ANGPTL7: variants seen among roughly 807,000 people sequenced by gnomAD.
ANGPTL7 encodes angiopoietin like 7, also known as angiopoietin-related protein 7.
ANGPTL7 carries 37 observed loss-of-function variants against 38.8 expected under a neutral mutation model. That is an observed-to-expected ratio of 0.95 (90% CI 0.73 to 1.25). The LOEUF is 1.25. Ranked by LOEUF, ANGPTL7 falls within the 50% of genes most tolerant of loss-of-function variation. The pLI is 0.00. For synonymous variants in ANGPTL7, 166 were observed against 163.2 expected (o/e 1.02, Z -0.13); for missense variants, 427 against 438.6 (o/e 0.97, Z 0.24).
At chr1:11,194,296 C>T (rs1190711373) in intron 3 of ANGPTL7, among the ~76,000 whole-genome samples, 165 bp from the exon 4 acceptor site, 1 of 152,136 alleles carries the variant, frequency 6.6e-6, no homozygotes, top group African/African-American at 2.4e-5. Flanking sequence ...TTTTCTGATT[C>T]CCAGGTTAAC....
intron 3 of ANGPTL7, 97 bp downstream of exon 3, chr1:11,193,871 A>G: frequency 8.3e-7 from 1 of 1,208,992 alleles, no homozygotes; most frequent in East Asian, 2.5e-5. Flanking sequence ...ATTCAAGACA[A>G]ATCTGTATAT....
At position 11,195,741 on chromosome 1, in the gene ANGPTL7, T is replaced by C. The variant is rs1404619211; in HGVS notation, c.*718T>C. 6.6e-6 allele frequency: 1 copy of C among 152,650 alleles called. No homozygotes were observed. The highest frequency in any genetic ancestry group is 1.5e-5 in the Non-Finnish European group (1 of 68,050). The allele number at this position is 152,650 out of a possible 1,614,324, so 9.5% of individuals were successfully genotyped here. ...CATGGATGCCGGCACAAAACTGCCT[T>C]AAAATATTCATAGTTAATACAGGTA... On this transcript the variant is annotated 3_prime_UTR_variant, in exon 5 of 5. Coordinates refer to ENST00000376819, the MANE Select transcript of ANGPTL7 (RefSeq NM_021146.4).
chr1:11,191,988 G>A (rs28990999), intron 1 of ANGPTL7, among the ~76,000 whole-genome samples: 1 of 152,222 alleles, frequency 6.6e-6, no homozygotes, highest in African/African-American at 2.4e-5. Flanking sequence ...CCCAGCTATA[G>A]CAGAATAATT....
At chr1:11,194,750 A>T (rs1344602214) in intron 4 of ANGPTL7, 91 bp downstream of exon 4, 2 of 1,598,680 alleles carry the variant, frequency 1.3e-6, no homozygotes, top group Non-Finnish European at 1.7e-6. Context: ...TGTACAGTTG[A>T]TATTCCGGTT....
At chr1:11,192,813 T>C (rs1354568673) in intron 2 of ANGPTL7, among the ~76,000 whole-genome samples, 2 of 150,314 alleles carry the variant, frequency 1.3e-5, no homozygotes, top group South Asian at 2.1e-4. Flanking sequence ...CACAGAGCTA[T>C]GCAAACACTC....
Position 11,193,737 on chromosome 1 carries a change from T to C in ANGPTL7, c.635T>C (p.Leu212Pro), listed in dbSNP as rs766186186. Reference sequence around the variant, plus strand: ...CTGGGGAACGAACACATCCACCGGCTCTCCAGACAGCCAACCCGGCTGCGT... The same window carrying C: ...CTGGGGAACGAACACATCCACCGGCCCTCCAGACAGCCAACCCGGCTGCGT... ...FWLGNEHIHR[L>P]SRQPTRLRVE... is the part of the protein sequence containing the mutation. Residue 212 changes from leucine (L) to proline (P), a missense_variant, in exon 3 of 5, where the codon CTC becomes CCC. Leu to Pro is a moderately conservative substitution (Grantham distance 98, BLOSUM62 -3). Coordinates refer to ENST00000376819, the MANE Select transcript of ANGPTL7 (RefSeq NM_021146.4). 10 of 1,613,670 alleles carry C rather than the reference T, an allele frequency of 6.2e-6. No individual in the cohort carries two copies. The African/African-American group carries it at 1.2e-4, about 19-fold the overall frequency.
chr1:11,193,678 G>A lies in ANGPTL7; in HGVS notation c.576G>A (p.Lys192=), dbSNP rs1645650651. 1 of 1,614,140 alleles carries A rather than the reference G, an allele frequency of 6.2e-7. No homozygotes were observed. The highest frequency in any genetic ancestry group is 8.5e-7 in the Non-Finnish European group (1 of 1,180,014). The change falls in exon 3 of 5, where the codon AAG becomes AAA. Residue 192 remains lysine, a synonymous_variant. Coordinates refer to ENST00000376819, the MANE Select transcript of ANGPTL7 (RefSeq NM_021146.4). ...VSFYRDWKQY[K]QGFGSIRGDF... Reference sequence around the variant, plus strand: ...TCTACCGGGACTGGAAGCAGTACAAGCAGGGCTTTGGCAGCATCCGTGGGG... The same window carrying A: ...TCTACCGGGACTGGAAGCAGTACAAACAGGGCTTTGGCAGCATCCGTGGGG...
rs146029394 is a variant in ANGPTL7, at chr1:11,189,820, G to A, written c.241G>A (p.Val81Met). ...GGACTGGGTCAGCGTGGTCATGCAG[G>A]TGATGGAGCTGGAGAGCAACAGCAA... The part of the protein sequence containing the change: ...ERDWVSVVMQ[V>M]MELESNSKRM... Residue 81 changes from valine to methionine, a missense_variant, in exon 1 of 5, where the codon GTG becomes ATG. Val to Met is a conservative substitution (Grantham distance 21). Coordinates refer to ENST00000376819, the MANE Select transcript of ANGPTL7 (RefSeq NM_021146.4). 5 of 1,614,210 alleles carry A rather than the reference G, an allele frequency of 3.1e-6. No individual in the cohort carries two copies. The Admixed American group carries it at 6.7e-5, about 22-fold the overall frequency.
chr1:11,192,194 G>A (rs1645565101), intron 1 of ANGPTL7, 76 bp from the exon 2 acceptor site: 1 of 1,078,874 alleles, frequency 9.3e-7, no homozygotes, highest in Non-Finnish European at 1.4e-6. Context: ...TAGAAATAAA[G>A]GCTCAGTCTC....
Position 11,189,653 on chromosome 1 carries a change from G to A in ANGPTL7, c.74G>A (p.Trp25Ter), listed in dbSNP as rs542575916. Residue 25 changes from tryptophan (W) to a stop codon, truncating the protein, a stop_gained, in exon 1 of 5, where the codon TGG (tryptophan) becomes TAG (stop). Coordinates refer to ENST00000376819, the MANE Select transcript of ANGPTL7 (RefSeq NM_021146.4). LOFTEE classifies it high-confidence loss of function. ...GTGGCCTTTGTCAGCCACCCAGCGT[G>A]GCTGCAGAAGCTCTCTAAGCACAAG... ...FIVAFVSHPA[W>*]LQKLSKHKTP... The A allele has an allele frequency of 1.2e-6, 2 of 1,614,020 alleles. No individual in the cohort carries two copies. Among genetic ancestry groups the A allele is most frequent in the Non-Finnish European group, 1.7e-6 (2 of 1,180,032 alleles).
At chr1:11,191,698 C>G (rs1645537756) in intron 1 of ANGPTL7, among the ~76,000 whole-genome samples, 1 of 152,142 alleles carries the variant, frequency 6.6e-6, no homozygotes, top group African/African-American at 2.4e-5. Context: ...GGAGGAAGGC[C>G]TCAAAGGTTC....
rs748630470 is a variant in ANGPTL7 at position 11,189,688 on chromosome 1, C to T, written c.109C>T (p.Gln37Ter). 15 of 1,614,208 alleles carry T rather than the reference C, an allele frequency of 9.3e-6. No homozygotes were observed. The highest frequency in any genetic ancestry group is 1.3e-5 in the Non-Finnish European group (15 of 1,180,038). The stretch of plus-strand genomic sequence containing the variant: ...GCTCTCTAAGCACAAGACACCAGCA[C>T]AGCCACAGCTCAAAGCGGCCAACTG... The part of the protein sequence containing the change: ...QKLSKHKTPA[Q>*]PQLKAANCCE... Residue 37 changes from glutamine to a stop codon, truncating the protein, a stop_gained, in exon 1 of 5, where the codon CAG becomes TAG. Transcript: ENST00000376819. LOFTEE classifies it high-confidence loss of function.
At chr1:11,190,426 T>C (rs969269591) in intron 1 of ANGPTL7, among the ~76,000 whole-genome samples, 1 of 152,192 alleles carries the variant, frequency 6.6e-6, no homozygotes, top group African/African-American at 2.4e-5. Flanking sequence ...TTTTGTGTCC[T>C]CTCTCTGTAA....
intron 2 of ANGPTL7, 114 bp from the exon 3 acceptor site, chr1:11,193,466 G>GT: frequency 1.1e-6 from 1 of 894,342 alleles, no homozygotes; most frequent in Non-Finnish European, 1.7e-6. Flanking sequence ...TGTGACTGCG[G>GT]GAGTGCACAC....
chr1:11,189,981 G>GCGTGGAGTGCCTCCCCATCTA (rs1272814937), intron 1 of ANGPTL7, 26 bp downstream of exon 1: 1 of 1,576,714 alleles, frequency 6.3e-7, no homozygotes, highest in Admixed American at 1.7e-5. Context: ...CCCTGAGGGA[G>GCGTGGAGTGCCTCCCCATCTA]CGTGGAGTGC....
chr1:11,192,513 T>C (rs977802747), intron 2 of ANGPTL7, 143 bp downstream of exon 2: 6 of 669,148 alleles, frequency 9.0e-6, no homozygotes, highest in South Asian at 3.6e-5. Context: ...CCCAGCACTA[T>C]GGGAGGCCGA....
chr1:11,193,832 A>T, intron 3 of ANGPTL7, 58 bp downstream of exon 3: 4 of 1,542,934 alleles, frequency 2.6e-6, no homozygotes, highest in Non-Finnish European at 3.6e-6. Flanking sequence ...ATGACCGCGT[A>T]CAACTCCGGG....
At chr1:11,193,457 G>A (rs1380047539) in intron 2 of ANGPTL7, 123 bp from the exon 3 acceptor site, 2 of 827,772 alleles carry the variant, frequency 2.4e-6, no homozygotes. Context: ...GTGAGCCAGT[G>A]TGACTGCGGG....
At position 11,193,760 on chromosome 1, in the gene ANGPTL7, C is replaced by T. The variant is rs147660927; in HGVS notation, c.658C>T (p.Arg220Cys). 3,213 of 1,614,084 alleles carry T rather than the reference C, an allele frequency of 2.0e-3. 81 individuals are homozygous for T. Among genetic ancestry groups the T allele is most frequent in the Non-Finnish European group, 2.1e-4 (251 of 1,180,010 alleles). Reference sequence around the variant, plus strand: ...GCTCTCCAGACAGCCAACCCGGCTGCGTGTAGAGATGGAGGTAAGCACAAG... The same window carrying T: ...GCTCTCCAGACAGCCAACCCGGCTGTGTGTAGAGATGGAGGTAAGCACAAG... ...HRLSRQPTRL[R>C]VEMEDWEGNL... The change falls in exon 3 of 5, where the codon CGT becomes TGT. Residue 220 changes from arginine to cysteine, a missense_variant. Coordinates refer to ENST00000376819, the MANE Select transcript of ANGPTL7 (RefSeq NM_021146.4).
Sources: gnomAD v4.1 joint callset for allele counts (sites outside exome capture counted in the v4.1 genomes callset) on GRCh38, gnomAD v4.1.1 for gene constraint, MANE v1.5 for transcripts, NCBI Gene and HGNC (gene_info 2026-07-23, HGNC 2026-07-21) for gene names.